Variants in SLC35F2 observed in about 807,000 individuals in gnomAD.
SLC35F2 encodes the protein queuine/queuosine transporter SLC35F2.
SLC35F2 carries 25 observed loss-of-function variants against 38.1 expected under a neutral mutation model. The ratio of observed to expected loss-of-function variants is 0.66; its 90% CI spans 0.48 to 0.92. SLC35F2 has a LOEUF of 0.92. SLC35F2 is among the 40% of genes least tolerant of loss of function. SLC35F2 has a pLI of 0.00. For synonymous variants in SLC35F2, 173 were observed against 181.7 expected, an observed-to-expected ratio of 0.95 and a Z score of 0.38; for missense variants, 409 against 452.9, an observed-to-expected ratio of 0.90 and a Z score of 0.88.
At chr11:107,843,882 T>A (rs1258364891) in intron 1 of SLC35F2, among the ~76,000 whole-genome samples, 1,465 of 47,638 alleles carry the variant, frequency 0.031, 50 homozygotes, top group African/African-American at 0.056. Context: ...TATATATATA[T>A]ATATATATAT....
chr11:107,816,374 C>T, intron 1 of SLC35F2: 1 of 726,904 alleles, frequency 1.4e-6, no homozygotes. Context: ...CTTGACCTCC[C>T]AGACTCAAGC....
rs1301255128 is a variant in SLC35F2 at position 107,834,405 on chromosome 11, C to T, written c.111-18440G>A. Among the ~76,000 whole-genome samples, 2 of 152,148 alleles carry T rather than the reference C, an allele frequency of 1.3e-5. 1 individual carries two copies. Among genetic ancestry groups the T allele is most frequent in the Non-Finnish European group, 2.9e-5 (2 of 68,028 alleles). ...GTGGCTCACCCCTGTAATCCCAGCA[C>T]TTTGGGAGGCTAAGGTGGGTGGATC... On this transcript the variant is annotated intron_variant, in intron 1 of 7. Coordinates refer to ENST00000525815, the MANE Select transcript of SLC35F2 (RefSeq NM_017515.5).
At chr11:107,805,577 C>T in intron 4 of SLC35F2, 62 bp from the exon 5 acceptor site, 5 of 1,549,194 alleles carry the variant, frequency 3.2e-6, no homozygotes, top group East Asian at 2.3e-5. Context: ...CACAGCGTGC[C>T]TCCAGGCGGT....
chr11:107,835,433 C>CTT (rs34100475), intron 1 of SLC35F2, among the ~76,000 whole-genome samples: 54,885 of 148,666 alleles, frequency 0.37, 10,077 homozygotes, highest in South Asian at 0.48. Flanking sequence ...CCCACAGTGA[C>CTT]TTTTTTTTTT....
intron 1 of SLC35F2, among the ~76,000 whole-genome samples, chr11:107,837,088 CA>C (rs1159182590): frequency 6.6e-6 from 1 of 152,062 alleles, no homozygotes; most frequent in African/African-American, 2.4e-5. Flanking sequence ...TGGAAACCAA[CA>C]AAAATTGAAA....
intron 2 of SLC35F2, among the ~76,000 whole-genome samples, chr11:107,814,723 G>A (rs1045603519): frequency 6.6e-6 from 1 of 152,190 alleles, no homozygotes. Flanking sequence ...AGCACTTTGG[G>A]AAGCCAAGGT....
chr11:107,840,301 C>T (rs1331902120), intron 1 of SLC35F2, among the ~76,000 whole-genome samples: 3 of 152,192 alleles, frequency 2.0e-5, no homozygotes, highest in East Asian at 1.9e-4. Flanking sequence ...CAAGAGAGTA[C>T]ATCCCTGAGA....
At chr11:107,805,079 A>T (rs1162144904) in intron 5 of SLC35F2, 3 of 985,238 alleles carry the variant, frequency 3.0e-6, no homozygotes, top group African/African-American at 3.5e-5. Context: ...GGAAATAACT[A>T]AAAAAACTCC....
intron 1 of SLC35F2, among the ~76,000 whole-genome samples, chr11:107,827,748 C>CA (rs34012776): frequency 0.36 from 46,968 of 130,460 alleles, 8,008 homozygotes; most frequent in South Asian, 0.44. Flanking sequence ...GACTCTGTCT[C>CA]AAAAAAAAAA....
intron 1 of SLC35F2, among the ~76,000 whole-genome samples, chr11:107,837,841 A>G (rs545532028): frequency 1.4e-4 from 22 of 152,142 alleles, no homozygotes; most frequent in African/African-American, 5.3e-4. Context: ...AGTGTTTTAT[A>G]TGTTCCACTT....
chr11:107,801,495 T>C (rs1284384170), intron 7 of SLC35F2, among the ~76,000 whole-genome samples: 1 of 152,120 alleles, frequency 6.6e-6, no homozygotes, highest in East Asian at 1.9e-4. Flanking sequence ...AATGAGTTAA[T>C]AAGTATTTTT....
chr11:107,812,736 T>C (rs1172516859), intron 2 of SLC35F2, among the ~76,000 whole-genome samples: 2 of 152,174 alleles, frequency 1.3e-5, no homozygotes, highest in African/African-American at 4.8e-5. Flanking sequence ...GAAACAAAAT[T>C]TCTGGATATG....
rs953915263 is a variant in SLC35F2 at position 107,852,638 on chromosome 11, G to A, written c.110+6020C>T. On this transcript the variant is annotated intron_variant, in intron 1 of 7. Coordinates refer to ENST00000525815, the MANE Select transcript of SLC35F2 (RefSeq NM_017515.5). ...TAATCCCAGCACTTTGGAGGGGGCC[G>A]AGATGAGCAGGTCACCTGAGGTCAG... is the stretch of plus-strand genomic sequence containing the variant. Among the ~76,000 whole-genome samples the A allele has an allele frequency of 2.6e-5, 4 of 151,946 alleles. No individual in the cohort carries two copies. The East Asian group carries it at 5.8e-4, about 22-fold the overall frequency.
At chr11:107,840,527 G>T (rs1369761320) in intron 1 of SLC35F2, 1 of 152,152 alleles carries the variant, frequency 6.6e-6, no homozygotes, top group Non-Finnish European at 1.5e-5. Flanking sequence ...AACAAAAATC[G>T]CTTTCAACAC....
rs1859564965 is a variant in SLC35F2, at chr11:107,815,920, A to T, written c.156T>A (p.Cys52Ter). ...GGCTGGTGATGGCTGTCCCACATAT[A>T]CACAAGGACAACATCTGACCCAGGG... ...TIALGQMLSL[C>*]ICGTAITSQY... The change falls in exon 2 of 8, where the codon TGT becomes TGA. Residue 52 changes from cysteine (C) to a stop codon, truncating the protein, a stop_gained. Coordinates refer to ENST00000525815, the MANE Select transcript of SLC35F2 (RefSeq NM_017515.5). LOFTEE classifies it high-confidence loss of function. The T allele has an allele frequency of 6.2e-7, 1 of 1,613,808 alleles. No homozygotes were observed. Among genetic ancestry groups the T allele is most frequent in the Non-Finnish European group, 8.5e-7 (1 of 1,179,994 alleles).
intron 1 of SLC35F2, among the ~76,000 whole-genome samples, chr11:107,828,678 CT>C (rs1311368390): frequency 6.6e-6 from 1 of 152,094 alleles, no homozygotes; most frequent in African/African-American, 2.4e-5. Context: ...TAAAATATCA[CT>C]TTAGGAGCCC....
Position 107,832,414 on chromosome 11 carries a change from C to G in SLC35F2, c.111-16449G>C, listed in dbSNP as rs116101910. Among the ~76,000 whole-genome samples, 1,487 of 152,296 alleles carry G rather than the reference C, an allele frequency of 9.8e-3. 34 individuals carry two copies. Among genetic ancestry groups the G allele is most frequent in the African/African-American group, 0.034 (1,427 of 41,558 alleles). On this transcript the variant is annotated intron_variant, in intron 1 of 7. Transcript: ENST00000525815. Reference sequence around the variant, plus strand: ...TTGATGGATCAAATTGCCTGATTGACTAAACCTTAAAAGAACCAGATAATT... The same window carrying G: ...TTGATGGATCAAATTGCCTGATTGAGTAAACCTTAAAAGAACCAGATAATT...
intron 2 of SLC35F2, among the ~76,000 whole-genome samples, chr11:107,812,923 T>C (rs984557306): frequency 6.6e-6 from 1 of 152,206 alleles, no homozygotes; most frequent in Non-Finnish European, 1.5e-5. Context: ...CTCGATAAGC[T>C]TGAGAAAAGG....
chr11:107,816,247 T>C (rs968306154), intron 1 of SLC35F2: 4 of 983,394 alleles, frequency 4.1e-6, no homozygotes, highest in African/African-American at 1.8e-5. Context: ...AGCTATAACA[T>C]ATACTTTGTA....
Sources: allele counts gnomAD v4.1 joint callset (sites outside exome capture counted in the v4.1 genomes callset), GRCh38; gene constraint gnomAD v4.1.1; transcripts MANE v1.5; gene names NCBI Gene and HGNC (gene_info 2026-07-23, HGNC 2026-07-21).